The following CDH23 variants were observed in gnomAD, a reference collection of about 807,000 sequenced individuals.
The protein encoded by CDH23 is cadherin related 23.
CDH23 carries 189 observed loss-of-function variants against 317.1 expected under a neutral mutation model. The ratio of observed to expected loss-of-function variants is 0.60; its 90% confidence interval spans 0.53 to 0.67. The LOEUF is 0.67. Ranked by LOEUF, CDH23 falls within the 30% of genes least tolerant of loss-of-function variation. CDH23 has a pLI of 0.00. For synonymous variants in CDH23, 1,839 were observed against 1,876.8 expected (o/e 0.98, Z 0.52); for missense variants, 4,401 against 4,592.4 (o/e 0.96, Z 1.20).
Position 71,807,326 on chromosome 10 carries a change from GCGGCAC to G in CDH23, c.8230_8235del (p.Gly2744_Thr2745del). On this transcript the variant is annotated inframe_deletion, in exon 58 of 70. Transcript: ENST00000224721. ...CTGACAGTGCCTGAGCACTCACCAC[GCGGCAC>G]CCTCGTGGGCAACGTGACAGGCGCA... The G allele has an allele frequency of 6.2e-7, 1 of 1,613,872 alleles. No homozygotes were observed. The highest frequency in any genetic ancestry group is 8.5e-7 in the Non-Finnish European group (1 of 1,179,824).
chr10:71,704,631 G>A (rs1178903921), intron 24 of CDH23, among the ~76,000 whole-genome samples: 1 of 152,116 alleles, frequency 6.6e-6, no homozygotes. Context: ...GGGAGAAAGC[G>A]CTGTAGAGAC....
At chr10:71,656,269 G>A (rs936411667) in intron 14 of CDH23, among the ~76,000 whole-genome samples, 2 of 152,230 alleles carry the variant, frequency 1.3e-5, no homozygotes, top group African/African-American at 4.8e-5. Context: ...GTCTGGCCCT[G>A]TAGACAGGTG....
chr10:71,493,128 G>C (rs1487872965), intron 3 of CDH23, among the ~76,000 whole-genome samples: 1 of 152,194 alleles, frequency 6.6e-6, no homozygotes, highest in African/African-American at 2.4e-5. Context: ...TGGTGGGGTT[G>C]TTGGCAGGGG....
intron 27 of CDH23, among the ~76,000 whole-genome samples, chr10:71,711,537 C>T (rs960268419): frequency 6.6e-6 from 1 of 152,064 alleles, no homozygotes; most frequent in Admixed American, 6.5e-5. Flanking sequence ...GAGTCAGTGC[C>T]CCATCCTCAC....
At chr10:71,480,327 C>T (rs561432485) in intron 3 of CDH23, among the ~76,000 whole-genome samples, 3 of 152,378 alleles carry the variant, frequency 2.0e-5, no homozygotes, top group African/African-American at 7.2e-5. Context: ...GTTTCTGCAG[C>T]AGTTTATTCA....
chr10:71,417,085 T>C (rs998103655), intron 1 of CDH23, among the ~76,000 whole-genome samples: 1 of 151,620 alleles, frequency 6.6e-6, no homozygotes, highest in African/African-American at 2.4e-5. Context: ...TTCTTTTTTT[T>C]TTTAAATTGA....
At chr10:71,690,657 C>A in intron 20 of CDH23, 73 bp downstream of exon 20, 1 of 1,056,942 alleles carries the variant, frequency 9.5e-7, no homozygotes, top group Non-Finnish European at 1.4e-6. Context: ...GCCCCAGGAC[C>A]AGCCTCTGGG....
At chr10:71,678,801 T>C (rs2132672534) in intron 16 of CDH23, among the ~76,000 whole-genome samples, 1 of 152,356 alleles carries the variant, frequency 6.6e-6, no homozygotes, top group South Asian at 2.1e-4. Flanking sequence ...TCTTTCCTCC[T>C]TGCTTTCATG....
chr10:71,688,943 A>AGGGGTGGTGGAGCC (rs1865044624), intron 19 of CDH23, among the ~76,000 whole-genome samples: 1 of 97,708 alleles, frequency 1.0e-5, no homozygotes, highest in Admixed American at 9.6e-5. Flanking sequence ...TGGTGGAGCC[A>AGGGGTGGTGGAGCC]ACGGTGGTGG....
chr10:71,581,364 T>G (rs1182930194), intron 9 of CDH23, among the ~76,000 whole-genome samples: 2 of 152,196 alleles, frequency 1.3e-5, no homozygotes, highest in Admixed American at 6.5e-5. Context: ...CCCAGAAGCC[T>G]GGGCTGGTGG....
intron 27 of CDH23, 133 bp downstream of exon 27, chr10:71,709,344 C>T (rs1865895010): frequency 5.7e-6 from 4 of 707,172 alleles, no homozygotes; most frequent in Non-Finnish European, 9.4e-6. Flanking sequence ...ACCAGGCACT[C>T]ACCAAACATT....
intron 13 of CDH23, 78 bp downstream of exon 13, chr10:71,646,058 C>A: frequency 6.6e-7 from 1 of 1,517,830 alleles, no homozygotes; most frequent in Non-Finnish European, 8.9e-7. Context: ...GTAGAAGATT[C>A]CCTTAGATCC....
At chr10:71,664,481 G>A (rs915290458) in intron 14 of CDH23, among the ~76,000 whole-genome samples, 2 of 152,086 alleles carry the variant, frequency 1.3e-5, no homozygotes, top group East Asian at 1.9e-4. Flanking sequence ...CACCACTTCC[G>A]CTCCACCTCC....
chr10:71,717,372 T>A (rs1359404180), intron 28 of CDH23: 4 of 152,266 alleles, frequency 2.6e-5, no homozygotes, highest in African/African-American at 7.2e-5. Context: ...CCCAGCCCTT[T>A]CGGAGCTCAG....
intron 1 of CDH23, among the ~76,000 whole-genome samples, chr10:71,412,012 C>T (rs892002605): frequency 6.6e-6 from 1 of 152,166 alleles, no homozygotes. Flanking sequence ...ATTTATTTCT[C>T]TATGAATTTG....
At chr10:71,719,056 C>T (rs111598596) in intron 28 of CDH23, among the ~76,000 whole-genome samples, 23 of 151,612 alleles carry the variant, frequency 1.5e-4, no homozygotes, top group African/African-American at 3.9e-4. Flanking sequence ...ACAGCCTGAG[C>T]GACAGAGCAA....
chr10:71,460,712 C>T (rs1049984748), intron 3 of CDH23, among the ~76,000 whole-genome samples: 1 of 152,188 alleles, frequency 6.6e-6, no homozygotes, highest in Non-Finnish European at 1.5e-5. Flanking sequence ...AGCCTCATCG[C>T]GGTGCCAACC....
chr10:71,755,007 C>A (rs566887092), intron 38 of CDH23: 9 of 467,334 alleles, frequency 1.9e-5, no homozygotes, highest in Non-Finnish European at 3.8e-5. Flanking sequence ...AAAACAAGCA[C>A]GCCCATACCT....
chr10:71,521,749 C>T (rs879603354), intron 6 of CDH23, among the ~76,000 whole-genome samples: 5 of 152,222 alleles, frequency 3.3e-5, no homozygotes, highest in African/African-American at 7.2e-5. Context: ...GGGCCGGCCC[C>T]GGCTCTTCAC....
Sources: allele counts gnomAD v4.1 joint callset (sites outside exome capture counted in the v4.1 genomes callset), GRCh38; gene constraint gnomAD v4.1.1; transcripts MANE v1.5; gene names NCBI Gene and HGNC (gene_info 2026-07-23, HGNC 2026-07-21).